COX6C: variants seen among roughly 807,000 people sequenced by gnomAD.
The protein encoded by COX6C is cytochrome c oxidase polypeptide VIc.
In COX6C, 3 loss-of-function variants were observed where a neutral mutation model predicts 6.9. The observed-to-expected ratio is 0.43, with a 90% CI of 0.20 to 1.12. The LOEUF (loss-of-function observed/expected upper bound fraction) is 1.12. COX6C is among the 50% of genes most tolerant of loss of function. The pLI, the probability that COX6C is intolerant of heterozygous loss-of-function variation, is 0.27. For missense variants in COX6C, 101 were observed against 97.3 expected (o/e 1.04, Z -0.16); for synonymous variants, 32 against 32.0 (o/e 1.00, Z 0.00).
chr8:99,878,348 T>G (rs1817784077), intron 3 of COX6C, 83 bp from the exon 4 acceptor site: 1 of 152,132 alleles, frequency 6.6e-6, no homozygotes, highest in South Asian at 2.1e-4. Context: ...TGAGGTCTAT[T>G]CCTACTAGTA....
chr8:99,884,646 T>C (rs1817918532), intron 3 of COX6C, among the ~76,000 whole-genome samples: 1 of 152,194 alleles, frequency 6.6e-6, no homozygotes, highest in East Asian at 1.9e-4. Context: ...TATAGTAGTC[T>C]CCTTTTATCC....
In COX6C at chr8:99,877,948, CTT is replaced by C. The variant is rs1277102465; in HGVS notation, c.*331_*332del. Reference sequence around the variant, plus strand: ...TAGTCTTACAGGCTCATGAAGAACACTTTTTAATCCATAGCCCAAGACCAAGT... The same window carrying C: ...TAGTCTTACAGGCTCATGAAGAACACTTTAATCCATAGCCCAAGACCAAGT... On this transcript the variant is annotated 3_prime_UTR_variant, in exon 4 of 4. Transcript: ENST00000520468. 1 of 152,144 alleles carries C rather than the reference CTT, an allele frequency of 6.6e-6. No individual in the cohort carries two copies. The highest frequency in any genetic ancestry group is 2.4e-5 in the African/African-American group (1 of 41,428). 9.4% of individuals were successfully genotyped at this position (152,144 alleles called of 1,614,324 possible).
At chr8:99,884,238 A>G (rs1193302034) in intron 3 of COX6C, among the ~76,000 whole-genome samples, 1 of 152,218 alleles carries the variant, frequency 6.6e-6, no homozygotes, top group Non-Finnish European at 1.5e-5. Flanking sequence ...AGCAAACCCT[A>G]AAGATTTCTA....
intron 3 of COX6C, among the ~76,000 whole-genome samples, chr8:99,882,851 G>A (rs573255781): frequency 3.3e-4 from 51 of 152,338 alleles, no homozygotes; most frequent in South Asian, 6.2e-4. Flanking sequence ...AGGCTGGAGT[G>A]CAGTGGTACA....
chr8:99,880,472 A>G (rs1817844589), intron 3 of COX6C, among the ~76,000 whole-genome samples: 1 of 152,222 alleles, frequency 6.6e-6, no homozygotes, highest in Non-Finnish European at 1.5e-5. Context: ...TGAAAAATGT[A>G]GTAACTGAAT....
intron 3 of COX6C, among the ~76,000 whole-genome samples, chr8:99,882,816 G>C (rs1817885182): frequency 6.6e-6 from 1 of 152,172 alleles, no homozygotes; most frequent in Admixed American, 6.5e-5. Context: ...TGGGGGAGTG[G>C]GGACAGCATC....
rs200566009 is a variant in COX6C at position 99,891,958 on chromosome 8, G to T, written c.64C>A (p.His22Asn). The T allele has an allele frequency of 2.5e-6, 4 of 1,613,986 alleles. No individual in the cohort carries two copies. Among genetic ancestry groups the T allele is most frequent in the Admixed American group, 1.7e-5 (1 of 59,986 alleles). ...GATAGCACGAATGCTACAGCCATAT[G>T]ATTTCGCAGACGCCTGGCCAGAAGG... ...RGLLARRLRN[H>N]MAVAFVLSLG... The change falls in exon 2 of 4, where the codon CAT becomes AAT. Residue 22 changes from histidine to asparagine, a missense_variant. His to Asn is a moderately conservative substitution (Grantham distance 68, BLOSUM62 1). Transcript: ENST00000520468.
intron 3 of COX6C, among the ~76,000 whole-genome samples, chr8:99,879,370 T>C (rs1817820015): frequency 6.6e-6 from 1 of 152,158 alleles, no homozygotes; most frequent in Non-Finnish European, 1.5e-5. Context: ...ATACTTTTTT[T>C]TAAAAAAGTG....
At position 99,887,564 on chromosome 8, in the gene COX6C, C is replaced by T. The variant is rs753969142; in HGVS notation, c.169G>A (p.Asp57Asn). ...KAYADFYRNY[D>N]VMKDFEEMRK... ...ATCTCCTCAAAATCTTTCATGACAT[C>T]GTAGTTTCTGTAGAAATCTGCGTAT... The change falls in exon 3 of 4, where the codon GAT becomes AAT. Residue 57 changes from aspartate to asparagine, a missense_variant. Physicochemically the swap from Asp to Asn is conservative, Grantham distance 23 (BLOSUM62 1). Coordinates refer to ENST00000520468, the MANE Select transcript of COX6C (RefSeq NM_004374.4). 23 of 1,610,860 alleles carry T rather than the reference C, an allele frequency of 1.4e-5. No individual in the cohort carries two copies. Among genetic ancestry groups the T allele is most frequent in the Middle Eastern group, 1.6e-4 (1 of 6,078 alleles).
intron 3 of COX6C, among the ~76,000 whole-genome samples, chr8:99,879,380 G>T (rs1478263446): frequency 6.6e-6 from 1 of 152,102 alleles, no homozygotes; most frequent in East Asian, 1.9e-4. Context: ...TTAAAAAAGT[G>T]ACTTCTAAAA....
chr8:99,885,827 G>A (rs1420164351), intron 3 of COX6C, among the ~76,000 whole-genome samples: 2 of 152,154 alleles, frequency 1.3e-5, no homozygotes, highest in African/African-American at 4.8e-5. Flanking sequence ...ACAACAGAGT[G>A]AAAAGGCAAC....
chr8:99,889,543 G>A (rs60122173), intron 2 of COX6C, among the ~76,000 whole-genome samples: 1 of 151,818 alleles, frequency 6.6e-6, no homozygotes, highest in South Asian at 2.1e-4. Context: ...CCGACACCAC[G>A]CCCGGCTAAT....
chr8:99,879,145 G>A (rs746074366), intron 3 of COX6C, among the ~76,000 whole-genome samples: 14 of 152,286 alleles, frequency 9.2e-5, no homozygotes, highest in Non-Finnish European at 1.0e-4. Flanking sequence ...AGATTCCAGA[G>A]TAGGAAGTCT....
chr8:99,883,378 T>C (rs988254600), intron 3 of COX6C, among the ~76,000 whole-genome samples: 1 of 151,804 alleles, frequency 6.6e-6, no homozygotes, highest in Non-Finnish European at 1.5e-5. Flanking sequence ...CACACCCAGC[T>C]AACTATATAT....
At chr8:99,891,421 G>T (rs1191627457) in intron 2 of COX6C, among the ~76,000 whole-genome samples, 1 of 151,988 alleles carries the variant, frequency 6.6e-6, no homozygotes, top group Non-Finnish European at 1.5e-5. Context: ...AGCCAGTTCC[G>T]GTGGTGTGTA....
At chr8:99,887,850 G>A (rs1358555017) in intron 2 of COX6C, among the ~76,000 whole-genome samples, 2 of 152,096 alleles carry the variant, frequency 1.3e-5, no homozygotes, top group African/African-American at 4.8e-5. Flanking sequence ...TGTTTTGTTC[G>A]AGGTTTCCGT....
At chr8:99,887,367 A>C in intron 3 of COX6C, 123 bp downstream of exon 3, 1 of 493,432 alleles carries the variant, frequency 2.0e-6, no homozygotes, top group Non-Finnish European at 3.5e-6. Context: ...AATGTGTATC[A>C]CTTCCACACC....
At chr8:99,882,631 C>T (rs1462376585) in intron 3 of COX6C, among the ~76,000 whole-genome samples, 1 of 152,090 alleles carries the variant, frequency 6.6e-6, no homozygotes, top group Non-Finnish European at 1.5e-5. Flanking sequence ...TTGAAAAGAT[C>T]AAATCAACAA....
intron 2 of COX6C, 77 bp downstream of exon 2, chr8:99,891,831 G>A (rs1469986162): frequency 5.8e-6 from 7 of 1,210,366 alleles, no homozygotes; most frequent in African/African-American, 1.5e-5. Flanking sequence ...CATTACAAGG[G>A]GGAGTTTCTT....
Sources: gnomAD v4.1 joint callset for allele counts (sites outside exome capture counted in the v4.1 genomes callset) on GRCh38, gnomAD v4.1.1 for gene constraint, MANE v1.5 for transcripts, NCBI Gene and HGNC (gene_info 2026-07-23, HGNC 2026-07-21) for gene names.